Variants in GNG4 observed in about 807,000 individuals in gnomAD.
GNG4 encodes G protein subunit gamma 4.
A neutral mutation model predicts 5.8 loss-of-function variants in GNG4; 4 were observed. The ratio of observed to expected loss-of-function variants is 0.69; its 90% CI spans 0.34 to 1.57. The LOEUF (loss-of-function observed/expected upper bound fraction) is 1.57, where lower values mean the gene tolerates loss of function less well. Among genes scored for constraint, GNG4 ranks in the 40% most tolerant of loss-of-function variants. The pLI is 0.06. For missense variants in GNG4, 96 were observed against 95.1 expected, an observed-to-expected ratio of 1.01 and a Z score of -0.04; for synonymous variants, 29 against 32.9, an observed-to-expected ratio of 0.88 and a Z score of 0.41.
chr1:235,615,682 GA>G, intron 1 of GNG4: 1 of 212,878 alleles, frequency 4.7e-6, no homozygotes. Context: ...TCTCAAACAG[GA>G]AAATGAACAT....
chr1:235,593,475 C>T (rs1030912221), intron 2 of GNG4, among the ~76,000 whole-genome samples: 1 of 152,208 alleles, frequency 6.6e-6, no homozygotes. Context: ...TATCTGTAGG[C>T]AGAATACTAC....
intron 3 of GNG4, among the ~76,000 whole-genome samples, chr1:235,558,114 G>C (rs942447907): frequency 3.3e-5 from 5 of 152,158 alleles, no homozygotes; most frequent in Non-Finnish European, 7.4e-5. Flanking sequence ...CCATACAACA[G>C]GAATGCACAC....
intron 1 of GNG4, among the ~76,000 whole-genome samples, chr1:235,618,961 G>C (rs16832190): frequency 0.056 from 8,453 of 150,420 alleles, 480 homozygotes; most frequent in African/African-American, 0.15. Context: ...CCGCCAGTGA[G>C]TTTTTCATCT....
chr1:235,615,838 A>G (rs1688577850), intron 1 of GNG4: 2 of 282,504 alleles, frequency 7.1e-6, no homozygotes, highest in Non-Finnish European at 1.4e-5. Flanking sequence ...CAAGCAGTCC[A>G]TGATGGATGG....
chr1:235,553,066 ATG>A (rs1368946579), intron 3 of GNG4, among the ~76,000 whole-genome samples: 1 of 19,296 alleles, frequency 5.2e-5, no homozygotes, highest in African/African-American at 5.4e-4. Flanking sequence ...GCCAGCACAC[ATG>A]TTTTAACTTG....
chr1:235,581,521 G>GA lies in GNG4; in HGVS notation c.99+2218dup, dbSNP rs879719529. ...CAGAGCGAGACTCCGTCTCAAAAAA[G>GA]AAAAAAAAAAAAGGTGTGTATCGCC... On this transcript the variant is annotated intron_variant, in intron 3 of 3. Coordinates refer to ENST00000391854, the MANE Select transcript of GNG4 (RefSeq NM_001098722.2). Among the ~76,000 whole-genome samples, 240 of 135,364 alleles carry GA rather than the reference G, an allele frequency of 1.8e-3. 1 individual carries two copies. The highest frequency in any genetic ancestry group is 4.3e-3 in the African/African-American group (160 of 37,166). The allele number at this position is 135,364 out of a possible 152,430, so 88.8% of individuals were successfully genotyped here. A position where few individuals can be genotyped will look rare whatever the true frequency, so the allele number is the denominator to read the frequency against.
intron 1 of GNG4, among the ~76,000 whole-genome samples, chr1:235,605,286 G>T (rs1319775919): frequency 6.6e-6 from 1 of 151,686 alleles, no homozygotes; most frequent in African/African-American, 2.4e-5. Context: ...CGCCTCCCAG[G>T]TTCAAGCGAT....
intron 1 of GNG4, among the ~76,000 whole-genome samples, chr1:235,639,708 C>T (rs4659574): frequency 0.53 from 79,877 of 152,098 alleles, 23,462 homozygotes; most frequent in East Asian, 0.84. Context: ...GTTTCACCCA[C>T]GTTGGCCAGG....
chr1:235,587,634 AGTGTGAGTGTGGGAGGGTGTTGGG>A (rs1687839990), intron 2 of GNG4, among the ~76,000 whole-genome samples: 11 of 3,628 alleles, frequency 3.0e-3, no homozygotes, highest in Admixed American at 3.7e-3. Context: ...TGTGGGGTGG[AGTGTGAGTGTGGGAGGGTGTTGGG>A]TGTGTGTGTG....
At chr1:235,616,268 G>A (rs1488975495) in intron 1 of GNG4, 1 of 484,342 alleles carries the variant, frequency 2.1e-6, no homozygotes, top group Admixed American at 2.1e-5. Context: ...TGAGACGAAT[G>A]AGGTCTGCCA....
chr1:235,580,953 T>C (rs1326527490), intron 3 of GNG4, among the ~76,000 whole-genome samples: 2 of 152,066 alleles, frequency 1.3e-5, no homozygotes, highest in Admixed American at 6.6e-5. Context: ...GTTTTCACCA[T>C]GTTGGCTAGG....
At chr1:235,605,209 T>G (rs1210711706) in intron 1 of GNG4, among the ~76,000 whole-genome samples, 1 of 151,104 alleles carries the variant, frequency 6.6e-6, no homozygotes, top group Non-Finnish European at 1.5e-5. Flanking sequence ...TTTTTTTTTT[T>G]AAATGGAGTC....
rs1396376726 is a variant in GNG4, at chr1:235,595,483, T to A, written c.-94A>T. On this transcript the variant is annotated 5_prime_UTR_variant, in exon 2 of 4. Transcript: ENST00000391854. ...CAGCTGTCAGTCGTCAGATGAGAGGTGAATTCAGAGCTTCTGCTTTGAGGT... is the reference window on the plus strand; with the variant it reads ...CAGCTGTCAGTCGTCAGATGAGAGGAGAATTCAGAGCTTCTGCTTTGAGGT... 1 of 151,994 alleles carries A rather than the reference T, an allele frequency of 6.6e-6. No individual in the cohort carries two copies. The highest frequency in any genetic ancestry group is 1.5e-5 in the Non-Finnish European group (1 of 68,032). 9.4% of individuals were successfully genotyped at this position (151,994 alleles called of 1,614,324 possible). A position where few individuals can be genotyped will look rare whatever the true frequency, so the allele number is the denominator to read the frequency against.
chr1:235,601,028 A>G (rs1688247880), intron 1 of GNG4, among the ~76,000 whole-genome samples: 1 of 152,176 alleles, frequency 6.6e-6, no homozygotes, highest in South Asian at 2.1e-4. Flanking sequence ...TTAATTCCCC[A>G]TGGCTGCTGC....
intron 1 of GNG4, among the ~76,000 whole-genome samples, chr1:235,612,290 C>G (rs758671589): frequency 6.6e-6 from 1 of 152,140 alleles, no homozygotes; most frequent in Non-Finnish European, 1.5e-5. Flanking sequence ...GCCAGCAGAA[C>G]AATGCCAGGC....
intron 2 of GNG4, among the ~76,000 whole-genome samples, chr1:235,592,786 C>T (rs1468265546): frequency 6.6e-6 from 1 of 152,080 alleles, no homozygotes; most frequent in Non-Finnish European, 1.5e-5. Flanking sequence ...CTTTAAAAAC[C>T]CTTACCTGCA....
intron 1 of GNG4, among the ~76,000 whole-genome samples, chr1:235,611,462 T>C (rs1158012109): frequency 6.6e-6 from 1 of 152,114 alleles, no homozygotes; most frequent in Non-Finnish European, 1.5e-5. Context: ...ATGTGGGCCA[T>C]TGCGTCCTCC....
At position 235,648,003 on chromosome 1, in the gene GNG4, T is replaced by C. The variant is rs1439959523; in HGVS notation, c.-123+1659A>G. ...ACTGTCACTTTTGCTTTAAAAACTG[T>C]AAAGTGAATCTAGGAAAAGCTTTTT... On this transcript the variant is annotated intron_variant, in intron 1 of 3. Transcript: ENST00000391854. The surrounding 1 kb of genome is among the most constrained non-coding windows in gnomAD (Gnocchi z 5.0). 6.6e-6 allele frequency among the ~76,000 whole-genome samples: 1 copy of C among 152,004 alleles called. No homozygotes were observed. The highest frequency in any genetic ancestry group is 2.4e-5 in the African/African-American group (1 of 41,282).
At chr1:235,579,249 G>T (rs949028456) in intron 3 of GNG4, among the ~76,000 whole-genome samples, 2 of 152,090 alleles carry the variant, frequency 1.3e-5, no homozygotes, top group Non-Finnish European at 2.9e-5. Flanking sequence ...CTAAGTATGT[G>T]AGAGAATACA....
Sources: allele counts gnomAD v4.1 joint callset (sites outside exome capture counted in the v4.1 genomes callset), GRCh38; gene constraint gnomAD v4.1.1; non-coding constraint Gnocchi (gnomAD v3.1); transcripts MANE v1.5; gene names NCBI Gene and HGNC (gene_info 2026-07-23, HGNC 2026-07-21).